PLEKHM3: variants seen among roughly 807,000 people sequenced by gnomAD.
PLEKHM3 encodes pleckstrin homology domain containing M3, also known as pleckstrin homology domain-containing family M member 3.
Under a neutral mutation model 81.8 loss-of-function variants are expected in PLEKHM3, and 45 were observed. The ratio of observed to expected loss-of-function variants is 0.55; its 90% CI spans 0.43 to 0.71. The LOEUF (loss-of-function observed/expected upper bound fraction) is 0.71. PLEKHM3 is among the 30% of genes least tolerant of loss of function. The pLI is 0.00. For missense variants in PLEKHM3, 788 were observed against 924.3 expected (o/e 0.85, Z 1.91); for synonymous variants, 352 against 356.4 (o/e 0.99, Z 0.14).
chr2:207,834,163 C>G (rs1318791819), intron 7 of PLEKHM3, among the ~76,000 whole-genome samples: 1 of 141,312 alleles, frequency 7.1e-6, no homozygotes, highest in African/African-American at 2.7e-5. Context: ...AGTTTTTGCT[C>G]TTGTTGGCCA....
chr2:207,918,457 G>C (rs1290956287), intron 5 of PLEKHM3, among the ~76,000 whole-genome samples: 1 of 152,190 alleles, frequency 6.6e-6, no homozygotes, highest in Non-Finnish European at 1.5e-5. Flanking sequence ...GGGAGGCGGA[G>C]CTTGCAGTGA....
intron 7 of PLEKHM3, among the ~76,000 whole-genome samples, chr2:207,840,747 C>T (rs1210493936): frequency 6.6e-6 from 1 of 150,508 alleles, no homozygotes; most frequent in African/African-American, 2.4e-5. Context: ...TCCAAGTTTC[C>T]TGTTTATGTT....
At chr2:207,871,133 C>T (rs1461060634) in intron 6 of PLEKHM3, among the ~76,000 whole-genome samples, 1 of 152,056 alleles carries the variant, frequency 6.6e-6, no homozygotes, top group African/African-American at 2.4e-5. Flanking sequence ...TAAATATCAC[C>T]AAAGTATATG....
At chr2:207,878,017 C>A (rs1013412040) in intron 6 of PLEKHM3, among the ~76,000 whole-genome samples, 21 of 152,140 alleles carry the variant, frequency 1.4e-4, no homozygotes, top group African/African-American at 4.8e-4. Context: ...CTTACCGCAA[C>A]CATCTCTGCC....
intron 6 of PLEKHM3, among the ~76,000 whole-genome samples, chr2:207,865,009 A>G (rs1258472895): frequency 1.3e-5 from 2 of 152,212 alleles, no homozygotes; most frequent in African/African-American, 4.8e-5. Context: ...CTATATGACA[A>G]TAATTACTGA....
chr2:207,879,321 T>C (rs1052119956), intron 6 of PLEKHM3, among the ~76,000 whole-genome samples: 1 of 152,236 alleles, frequency 6.6e-6, no homozygotes, highest in Admixed American at 6.5e-5. Flanking sequence ...GGCTCAAATG[T>C]CACCTAGTTT....
chr2:207,958,510 C>T (rs190439866), intron 3 of PLEKHM3, among the ~76,000 whole-genome samples: 17 of 152,146 alleles, frequency 1.1e-4, no homozygotes, highest in Non-Finnish European at 2.4e-4. Flanking sequence ...TATTCTCCTG[C>T]AATCTCAGAC....
rs778036643 is a variant in PLEKHM3, at chr2:207,977,551, CCTT to C, written c.643_645del (p.Lys215del). The C allele has an allele frequency of 6.2e-7, 1 of 1,611,508 alleles. No homozygotes were observed. The highest frequency in any genetic ancestry group is 8.5e-7 in the Non-Finnish European group (1 of 1,179,122). On this transcript the variant is annotated inframe_deletion, in exon 3 of 8. Transcript: ENST00000427836. ...TGGTCCTTTCTAATCTCCAGGTAAC[CCTT>C]CTTTAGAATGTTTGGGAATGTCTGC... is the stretch of plus-strand genomic sequence containing the variant.
At chr2:207,851,023 C>G (rs527933022) in intron 7 of PLEKHM3, among the ~76,000 whole-genome samples, 1 of 151,950 alleles carries the variant, frequency 6.6e-6, no homozygotes, top group Non-Finnish European at 1.5e-5. Flanking sequence ...CGTCGTGGCA[C>G]GCACCTGTAA....
At chr2:207,829,576 C>T (rs1488033904) in intron 7 of PLEKHM3, among the ~76,000 whole-genome samples, 1 of 152,218 alleles carries the variant, frequency 6.6e-6, no homozygotes. Flanking sequence ...TGCATTTGGT[C>T]TGCAAAGCTT....
chr2:207,932,705 A>G (rs1689633939), intron 4 of PLEKHM3, among the ~76,000 whole-genome samples: 1 of 152,200 alleles, frequency 6.6e-6, no homozygotes. Flanking sequence ...GGTAGCTTAG[A>G]GGAAGGAGAA....
chr2:207,919,787 T>C (rs1403073494), intron 5 of PLEKHM3, among the ~76,000 whole-genome samples: 2 of 152,182 alleles, frequency 1.3e-5, no homozygotes, highest in Non-Finnish European at 2.9e-5. Flanking sequence ...CAGCCTCAGC[T>C]ACAGTGAACT....
At chr2:207,988,235 C>A (rs1574471668) in intron 2 of PLEKHM3, among the ~76,000 whole-genome samples, 1 of 152,300 alleles carries the variant, frequency 6.6e-6, no homozygotes, top group East Asian at 1.9e-4. Flanking sequence ...ATCATACTAA[C>A]CCATGTCCTG....
At chr2:208,008,874 C>T (rs183030861) in intron 1 of PLEKHM3, among the ~76,000 whole-genome samples, 23 of 152,338 alleles carry the variant, frequency 1.5e-4, no homozygotes, top group African/African-American at 4.6e-4. Flanking sequence ...GTTATCCACA[C>T]GTGCAACTCC....
intron 6 of PLEKHM3, 105 bp downstream of exon 6, chr2:207,908,409 T>C (rs1688692155): frequency 9.3e-7 from 1 of 1,076,702 alleles, no homozygotes; most frequent in East Asian, 2.5e-5. Flanking sequence ...GGGTTTCTGA[T>C]GAAAACTACC....
At chr2:207,874,821 A>G (rs1015182441) in intron 6 of PLEKHM3, among the ~76,000 whole-genome samples, 1 of 151,794 alleles carries the variant, frequency 6.6e-6, no homozygotes, top group Non-Finnish European at 1.5e-5. Flanking sequence ...TGAACTCCTG[A>G]CCTCATGATC....
At chr2:207,847,921 A>G (rs567285098) in intron 7 of PLEKHM3, among the ~76,000 whole-genome samples, 4 of 152,312 alleles carry the variant, frequency 2.6e-5, no homozygotes, top group African/African-American at 7.2e-5. Flanking sequence ...GTTGTTCTCT[A>G]TTGTTGAACA....
At chr2:207,863,717 A>G (rs1214760930) in intron 6 of PLEKHM3, among the ~76,000 whole-genome samples, 1 of 152,190 alleles carries the variant, frequency 6.6e-6, no homozygotes, top group African/African-American at 2.4e-5. Flanking sequence ...GTGGGCAGAT[A>G]GGACCTCAGA....
chr2:207,849,699 C>T (rs538445243), intron 7 of PLEKHM3, among the ~76,000 whole-genome samples: 2 of 152,292 alleles, frequency 1.3e-5, no homozygotes, highest in East Asian at 1.9e-4. Flanking sequence ...TCAATTGCTT[C>T]AACCTTATAT....
Sources: allele counts gnomAD v4.1 joint callset (sites outside exome capture counted in the v4.1 genomes callset), GRCh38; gene constraint gnomAD v4.1.1; transcripts MANE v1.5; gene names NCBI Gene and HGNC (gene_info 2026-07-23, HGNC 2026-07-21).